Variants in PLXNA2 observed in about 807,000 individuals in gnomAD.
PLXNA2 encodes the protein plexin-A2.
Under a neutral mutation model 193.5 loss-of-function variants are expected in PLXNA2, and 91 were observed. That is an observed-to-expected ratio of 0.47 (90% CI 0.40 to 0.56). The LOEUF (loss-of-function observed/expected upper bound fraction) is 0.56, where lower values mean the gene tolerates loss of function less well. PLXNA2 is among the 20% of genes least tolerant of loss of function. The probability of loss-of-function intolerance (pLI) is 0.00; values close to 1 mark genes in which losing one functional copy is unlikely to be tolerated. For missense variants in PLXNA2, 1,995 were observed against 2,503.2 expected (o/e 0.80, Z 4.33); for synonymous variants, 997 against 1,027.3 (o/e 0.97, Z 0.56).
chr1:208,104,656 T>C (rs1667204353), intron 4 of PLXNA2, among the ~76,000 whole-genome samples: 1 of 152,124 alleles, frequency 6.6e-6, no homozygotes, highest in Admixed American at 6.6e-5. Context: ...AACTTAAGTG[T>C]AGGGTGTACA....
At chr1:208,102,534 C>A (rs188136865) in intron 5 of PLXNA2, among the ~76,000 whole-genome samples, 1 of 152,222 alleles carries the variant, frequency 6.6e-6, no homozygotes, top group African/African-American at 2.4e-5. Flanking sequence ...ATAATGAGAC[C>A]AGAAGGGTCC....
chr1:208,144,416 C>G (rs542132964), intron 3 of PLXNA2, among the ~76,000 whole-genome samples: 1 of 152,150 alleles, frequency 6.6e-6, no homozygotes, highest in African/African-American at 2.4e-5. Context: ...TTGGTCTGTA[C>G]CTGTTGGGTT....
At chr1:208,158,320 C>T (rs1438687394) in intron 3 of PLXNA2, among the ~76,000 whole-genome samples, 2 of 152,176 alleles carry the variant, frequency 1.3e-5, no homozygotes, top group Admixed American at 6.5e-5. Flanking sequence ...CAGATCTCTC[C>T]ATATACATTG....
At chr1:208,112,678 T>C (rs1558198470) in intron 4 of PLXNA2, among the ~76,000 whole-genome samples, 1 of 152,164 alleles carries the variant, frequency 6.6e-6, no homozygotes, top group Non-Finnish European at 1.5e-5. Context: ...ATTGTTTATC[T>C]ATGACATGGG....
intron 12 of PLXNA2, among the ~76,000 whole-genome samples, chr1:208,076,420 A>G (rs982777363): frequency 6.6e-6 from 1 of 152,084 alleles, no homozygotes; most frequent in African/African-American, 2.4e-5. Context: ...TTTTTCAGGA[A>G]GAACCATGGA....
At chr1:208,031,845 C>A in intron 28 of PLXNA2, 86 bp from the exon 29 acceptor site, 1 of 1,326,672 alleles carries the variant, frequency 7.5e-7, no homozygotes, top group Non-Finnish European at 1.0e-6. Context: ...TGGACCCATC[C>A]TGCCTTGGAA....
At chr1:208,189,099 G>A (rs1295654064) in intron 3 of PLXNA2, among the ~76,000 whole-genome samples, 2 of 152,210 alleles carry the variant, frequency 1.3e-5, no homozygotes, top group Non-Finnish European at 2.9e-5. Flanking sequence ...ACAGTCATGA[G>A]GACAATCACA....
At chr1:208,119,091 G>A (rs1226187080) in intron 4 of PLXNA2, among the ~76,000 whole-genome samples, 1 of 152,178 alleles carries the variant, frequency 6.6e-6, no homozygotes, top group Non-Finnish European at 1.5e-5. Context: ...TATCATTCCA[G>A]GGCATGTGGG....
At chr1:208,197,680 C>T (rs1670403995) in intron 3 of PLXNA2, among the ~76,000 whole-genome samples, 1 of 152,150 alleles carries the variant, frequency 6.6e-6, no homozygotes, top group Non-Finnish European at 1.5e-5. Context: ...AATTCCTCTT[C>T]CCTTAGTTGG....
At chr1:208,125,839 G>C (rs186973680) in intron 4 of PLXNA2, among the ~76,000 whole-genome samples, 3 of 152,156 alleles carry the variant, frequency 2.0e-5, no homozygotes, top group African/African-American at 7.2e-5. Context: ...AGCCTGATGG[G>C]GGAAGACACC....
intron 1 of PLXNA2, among the ~76,000 whole-genome samples, chr1:208,235,133 C>T (rs1040399234): frequency 6.6e-6 from 1 of 152,154 alleles, no homozygotes; most frequent in African/African-American, 2.4e-5. Context: ...AACCCAAGGG[C>T]GGCAAAGGCA....
At chr1:208,050,409 C>T (rs1025900055) in intron 17 of PLXNA2, among the ~76,000 whole-genome samples, 27 of 152,390 alleles carry the variant, frequency 1.8e-4, no homozygotes, top group African/African-American at 6.3e-4. Context: ...TGGGTTTTCA[C>T]TGGACCTCAA....
At chr1:208,066,615 A>G (rs1338933331) in intron 12 of PLXNA2, among the ~76,000 whole-genome samples, 5 of 152,124 alleles carry the variant, frequency 3.3e-5, no homozygotes, top group African/African-American at 9.7e-5. Context: ...TGGTTTATGT[A>G]CTCACTATAT....
At chr1:208,110,232 T>C (rs1236567038) in intron 4 of PLXNA2, among the ~76,000 whole-genome samples, 4 of 152,252 alleles carry the variant, frequency 2.6e-5, no homozygotes, top group Admixed American at 6.5e-5. Flanking sequence ...CCATCCCCTT[T>C]GGCTCAGCAA....
chr1:208,183,496 C>A (rs917540850), intron 3 of PLXNA2, among the ~76,000 whole-genome samples: 1 of 151,852 alleles, frequency 6.6e-6, no homozygotes, highest in African/African-American at 2.4e-5. Flanking sequence ...AATGAAGGGG[C>A]AGAGATGGGA....
intron 3 of PLXNA2, among the ~76,000 whole-genome samples, chr1:208,202,666 T>A (rs1010912066): frequency 1.3e-5 from 2 of 152,190 alleles, no homozygotes; most frequent in African/African-American, 4.8e-5. Flanking sequence ...TTCCTAAAGA[T>A]AAGACCTCTG....
At chr1:208,085,664 T>C (rs552415534) in intron 9 of PLXNA2, among the ~76,000 whole-genome samples, 1 of 152,254 alleles carries the variant, frequency 6.6e-6, no homozygotes, top group Non-Finnish European at 1.5e-5. Flanking sequence ...TGTGGCCACC[T>C]CTTGTCATGG....
At position 208,244,332 on chromosome 1, in the gene PLXNA2, G is replaced by A. The variant is rs375990057; in HGVS notation, c.-770C>T. 2.0e-3 allele frequency: 397 copies of A among 200,440 alleles called. 2 individuals are homozygous for A. In the East Asian group the frequency reaches 0.039, roughly 20 times the overall value. 12.4% of individuals were successfully genotyped at this position (200,440 alleles called of 1,614,324 possible). On this transcript the variant is annotated 5_prime_UTR_variant, in exon 1 of 32. Transcript: ENST00000367033. ...CGGCGGCGGCGGCGGCGGCGGCGGC[G>A]GCGGAGGAGCCCTGAGCGCCGGCCT...
chr1:208,122,270 A>T, intron 4 of PLXNA2, among the ~76,000 whole-genome samples: 2 of 152,314 alleles, frequency 1.3e-5, no homozygotes, highest in Middle Eastern at 6.8e-3. Context: ...ATTATAATTC[A>T]TCAATAAATA....
Sources: gnomAD v4.1 joint callset for allele counts (sites outside exome capture counted in the v4.1 genomes callset) on GRCh38, gnomAD v4.1.1 for gene constraint, MANE v1.5 for transcripts, NCBI Gene and HGNC (gene_info 2026-07-23, HGNC 2026-07-21) for gene names.